HMSD: variants seen among roughly 807,000 people sequenced by gnomAD.
The protein encoded by HMSD is serpin-like protein HMSD.
HMSD carries 13 observed loss-of-function variants against 10.0 expected under a neutral mutation model. The observed-to-expected ratio is 1.31, with a 90% CI of 0.85 to 2.08. The LOEUF (loss-of-function observed/expected upper bound fraction) is 2.08. Among genes scored for constraint, HMSD ranks in the 30% most tolerant of loss-of-function variants. The pLI, the probability that HMSD is intolerant of heterozygous loss-of-function variation, is 0.00. For synonymous variants in HMSD, 51 were observed against 54.2 expected (o/e 0.94, Z 0.26); for missense variants, 169 against 166.3 (o/e 1.02, Z -0.09).
intron 3 of HMSD, among the ~76,000 whole-genome samples, chr18:63,957,966 C>T (rs1329054997): frequency 6.6e-6 from 1 of 152,058 alleles, no homozygotes; most frequent in Non-Finnish European, 1.5e-5. Flanking sequence ...TTTAAAAACA[C>T]GTTTAACAGA....
downstream of HMSD, among the ~76,000 whole-genome samples, chr18:63,963,528 G>A (rs1406060526): frequency 2.6e-5 from 4 of 152,126 alleles, no homozygotes; most frequent in Admixed American, 6.5e-5. Flanking sequence ...GCACCAGGCC[G>A]GAAGTAGTTT....
chr18:63,965,637 A>G (rs1266643826), downstream of HMSD, among the ~76,000 whole-genome samples: 1 of 152,222 alleles, frequency 6.6e-6, no homozygotes, highest in African/African-American at 2.4e-5. Flanking sequence ...CTTGATCAGC[A>G]GAGGCTCTAC....
At chr18:63,950,964 A>G (rs558368054) in intron 1 of HMSD, among the ~76,000 whole-genome samples, 37 of 152,346 alleles carry the variant, frequency 2.4e-4, no homozygotes, top group Middle Eastern at 3.4e-3. Flanking sequence ...TCACCCTAGG[A>G]AATATAAAAA....
At chr18:63,953,663 T>C (rs540742654) in intron 2 of HMSD, 136 bp downstream of exon 2, 1 of 741,286 alleles carries the variant, frequency 1.3e-6, no homozygotes, top group Admixed American at 2.2e-5. Context: ...GGATGGAGAA[T>C]TGGCAGGATG....
chr18:63,964,488 C>G (rs1422186248), downstream of HMSD, among the ~76,000 whole-genome samples: 1 of 152,128 alleles, frequency 6.6e-6, no homozygotes, highest in Admixed American at 6.5e-5. Context: ...TGCAGTGAAC[C>G]AAGATCATGC....
intron 1 of HMSD, among the ~76,000 whole-genome samples, chr18:63,952,669 A>C (rs553368247): frequency 2.0e-5 from 3 of 152,308 alleles, no homozygotes; most frequent in African/African-American, 7.2e-5. Context: ...AAAGTGCTTC[A>C]GTAGTCATCT....
downstream of HMSD, among the ~76,000 whole-genome samples, chr18:63,965,932 A>G (rs1444258230): frequency 6.6e-6 from 1 of 152,140 alleles, no homozygotes; most frequent in Non-Finnish European, 1.5e-5. Flanking sequence ...TCAATGAGGG[A>G]AAGGTCAAAG....
At chr18:63,967,494 G>A (rs1267218692) in intron 3 of HMSD, among the ~76,000 whole-genome samples, 2 of 152,150 alleles carry the variant, frequency 1.3e-5, no homozygotes, top group South Asian at 2.1e-4. Flanking sequence ...CAGAGACCTC[G>A]AATCACCCCA....
downstream of HMSD, among the ~76,000 whole-genome samples, chr18:63,963,134 C>CTTTCT (rs2050396485): frequency 2.0e-5 from 2 of 99,286 alleles, no homozygotes; most frequent in African/African-American, 7.7e-5. Flanking sequence ...TCTTTCTTTC[C>CTTTCT]TTTCTTTCTT....
chr18:63,964,588 A>G (rs2050402599), downstream of HMSD, among the ~76,000 whole-genome samples: 1 of 152,144 alleles, frequency 6.6e-6, no homozygotes, highest in Admixed American at 6.5e-5. Context: ...AGCAACTGAC[A>G]TTTCTCAGAG....
downstream of HMSD, among the ~76,000 whole-genome samples, chr18:63,963,629 T>A (rs1423005239): frequency 6.6e-6 from 1 of 152,180 alleles, no homozygotes; most frequent in Non-Finnish European, 1.5e-5. Context: ...CTGGAGAGGA[T>A]CAGGAAAAGA....
chr18:63,952,656 T>C (rs2050337219), intron 1 of HMSD, among the ~76,000 whole-genome samples: 1 of 152,238 alleles, frequency 6.6e-6, no homozygotes, highest in African/African-American at 2.4e-5. Context: ...CTCTGTAGCA[T>C]ATAAAGTGCT....
chr18:63,958,948 T>C (rs144504982), intron 3 of HMSD, among the ~76,000 whole-genome samples: 1 of 152,156 alleles, frequency 6.6e-6, no homozygotes, highest in Non-Finnish European at 1.5e-5. Flanking sequence ...CTCAACAAAT[T>C]TAATAATTTA....
chr18:63,951,755 A>T (rs996865554), intron 1 of HMSD, among the ~76,000 whole-genome samples: 1 of 152,190 alleles, frequency 6.6e-6, no homozygotes, highest in Non-Finnish European at 1.5e-5. Flanking sequence ...GATAAAAGAA[A>T]ATTAATCATC....
intron 2 of HMSD, among the ~76,000 whole-genome samples, chr18:63,953,840 C>T (rs80049715): frequency 0.024 from 3,661 of 152,264 alleles, 66 homozygotes; most frequent in Non-Finnish European, 0.034. Flanking sequence ...TCTTTCCATT[C>T]CTCCTTTTAT....
At chr18:63,953,141 G>A (rs1256150871) in intron 1 of HMSD, among the ~76,000 whole-genome samples, 1 of 152,162 alleles carries the variant, frequency 6.6e-6, no homozygotes, top group Non-Finnish European at 1.5e-5. Flanking sequence ...TTCTTTGCTT[G>A]TAAAGTGCAG....
At chr18:63,965,898 T>C (rs1201197662), downstream of HMSD, among the ~76,000 whole-genome samples, 1 of 152,104 alleles carries the variant, frequency 6.6e-6, no homozygotes. Context: ...GAGGTTGCAG[T>C]GAACCTTCAT....
intron 3 of HMSD, among the ~76,000 whole-genome samples, chr18:63,957,687 G>C (rs899018527): frequency 6.6e-6 from 1 of 151,998 alleles, no homozygotes; most frequent in Non-Finnish European, 1.5e-5. Flanking sequence ...TAGCTTACTA[G>C]TTTTCTATAT....
intron 3 of HMSD, chr18:63,967,975 CA>C (rs2050417569): frequency 6.6e-6 from 1 of 152,182 alleles, no homozygotes; most frequent in African/African-American, 2.4e-5. Flanking sequence ...GACTTGCAGA[CA>C]AATTCCTTAC....
Sources: gnomAD v4.1 joint callset for allele counts (sites outside exome capture counted in the v4.1 genomes callset) on GRCh38, gnomAD v4.1.1 for gene constraint, MANE v1.5 for transcripts, NCBI Gene and HGNC (gene_info 2026-07-23, HGNC 2026-07-21) for gene names.